PDE4D: variants seen among roughly 807,000 people sequenced by gnomAD.
PDE4D encodes the protein phosphodiesterase 4D, also known as 3',5'-cyclic-AMP phosphodiesterase 4D.
A neutral mutation model predicts 87.4 loss-of-function variants in PDE4D; 24 were observed. That is an observed-to-expected ratio of 0.27 (90% CI 0.20 to 0.39). PDE4D has a LOEUF of 0.39. Ranked by LOEUF, PDE4D falls within the 10% of genes least tolerant of loss-of-function variation. PDE4D has a pLI of 1.00. For missense variants in PDE4D, 714 were observed against 1,041.0 expected, an observed-to-expected ratio of 0.69 and a Z score of 4.32; for synonymous variants, 384 against 383.2, an observed-to-expected ratio of 1.00 and a Z score of -0.02.
chr5:59,174,221 AT>A (rs1783463761), intron 5 of PDE4D: 1 of 152,192 alleles, frequency 6.6e-6, no homozygotes, highest in Admixed American at 6.5e-5. Context: ...GACTAGCATT[AT>A]TTGGATAGTT....
At chr5:59,075,856 A>G (rs1765608859) in intron 5 of PDE4D, among the ~76,000 whole-genome samples, 1 of 152,000 alleles carries the variant, frequency 6.6e-6, no homozygotes, top group African/African-American at 2.4e-5. Flanking sequence ...ATTTTTTTTA[A>G]AGACCCATAC....
chr5:59,403,435 C>A (rs258113), intron 1 of PDE4D, among the ~76,000 whole-genome samples: 40,621 of 151,902 alleles, frequency 0.27, 5,524 homozygotes, highest in East Asian at 0.39. Flanking sequence ...ATTAAACATC[C>A]CCACTTCTTA....
At chr5:59,276,605 A>G (rs1309766199) in intron 1 of PDE4D, among the ~76,000 whole-genome samples, 6 of 152,090 alleles carry the variant, frequency 3.9e-5, no homozygotes, top group Admixed American at 1.3e-4. Flanking sequence ...ATCAGAACAT[A>G]CTGGAATTTT....
intron 1 of PDE4D, among the ~76,000 whole-genome samples, chr5:59,582,645 C>T (rs1204275704): frequency 6.6e-6 from 1 of 152,116 alleles, no homozygotes; most frequent in African/African-American, 2.4e-5. Context: ...GAATTGAATG[C>T]TTGGTCTATA....
At chr5:59,507,679 A>AAG (rs1554198806) in intron 1 of PDE4D, among the ~76,000 whole-genome samples, 33 of 118,714 alleles carry the variant, frequency 2.8e-4, no homozygotes, top group African/African-American at 1.1e-3. Context: ...AAAAAAAAAA[A>AAG]AAAAGAAAAG....
intron 1 of PDE4D, among the ~76,000 whole-genome samples, chr5:59,740,344 T>G (rs1758658327): frequency 6.6e-6 from 1 of 152,146 alleles, no homozygotes; most frequent in African/African-American, 2.4e-5. Context: ...CAGTCATCCT[T>G]TTTTTTCTTG....
intron 1 of PDE4D, among the ~76,000 whole-genome samples, chr5:60,196,284 T>C (rs11742541): frequency 0.064 from 9,727 of 151,620 alleles, 571 homozygotes; most frequent in Middle Eastern, 0.078. Context: ...CAGGATTCCA[T>C]TTCCTCCCAC....
intron 1 of PDE4D, among the ~76,000 whole-genome samples, chr5:59,886,867 A>G (rs1327565689): frequency 6.6e-6 from 1 of 152,208 alleles, no homozygotes; most frequent in Non-Finnish European, 1.5e-5. Flanking sequence ...TCTTGAAGGC[A>G]AAGAGAAATT....
intron 2 of PDE4D, among the ~76,000 whole-genome samples, chr5:60,180,738 A>T (rs1243921893): frequency 6.6e-6 from 1 of 152,114 alleles, no homozygotes; most frequent in Non-Finnish European, 1.5e-5. Flanking sequence ...GAAATCTCTA[A>T]AACTACAACT....
chr5:59,394,518 T>C (rs1469381872), intron 1 of PDE4D, among the ~76,000 whole-genome samples: 1 of 152,202 alleles, frequency 6.6e-6, no homozygotes, highest in Non-Finnish European at 1.5e-5. Flanking sequence ...TCAATTCCCT[T>C]AGTGATATAT....
chr5:59,374,869 A>T (rs1784463130), intron 1 of PDE4D, among the ~76,000 whole-genome samples: 1 of 152,244 alleles, frequency 6.6e-6, no homozygotes, highest in Non-Finnish European at 1.5e-5. Flanking sequence ...AGGCTAAGAA[A>T]TTCACTCAAA....
chr5:59,276,177 T>A, intron 1 of PDE4D: 1 of 971,780 alleles, frequency 1.0e-6, no homozygotes, highest in South Asian at 4.8e-5. Context: ...CCTCGTCAAT[T>A]GCTGAGACTT....
At chr5:59,379,411 T>A (rs1785335500) in intron 1 of PDE4D, among the ~76,000 whole-genome samples, 1 of 152,126 alleles carries the variant, frequency 6.6e-6, no homozygotes, top group African/African-American at 2.4e-5. Flanking sequence ...ATTCAGAAAA[T>A]TAAATTTTTT....
At chr5:59,455,011 C>A (rs1799703600) in intron 1 of PDE4D, among the ~76,000 whole-genome samples, 1 of 152,106 alleles carries the variant, frequency 6.6e-6, no homozygotes. Context: ...CCGTTAAAGG[C>A]ATTCAGTTTT....
At chr5:60,437,729 T>C (rs962197378) in intron 1 of PDE4D, among the ~76,000 whole-genome samples, 5 of 152,166 alleles carry the variant, frequency 3.3e-5, no homozygotes, top group African/African-American at 7.2e-5. Context: ...GAATCCATTA[T>C]GGAAATTCAG....
At chr5:59,033,867 T>C (rs1561354450) in intron 6 of PDE4D, among the ~76,000 whole-genome samples, 1 of 152,192 alleles carries the variant, frequency 6.6e-6, no homozygotes, top group Admixed American at 6.5e-5. Flanking sequence ...GATTAATTTA[T>C]TGAATAATTA....
intron 6 of PDE4D, among the ~76,000 whole-genome samples, chr5:59,032,785 C>T (rs966361859): frequency 3.3e-5 from 5 of 152,244 alleles, no homozygotes; most frequent in East Asian, 1.9e-4. Flanking sequence ...ATGCACCAAA[C>T]GGAGCTTTAC....
At chr5:59,626,374 T>C (rs1237589647) in intron 1 of PDE4D, among the ~76,000 whole-genome samples, 2 of 152,228 alleles carry the variant, frequency 1.3e-5, no homozygotes, top group Non-Finnish European at 2.9e-5. Flanking sequence ...AATTTCAATT[T>C]GTCAGTTATA....
intron 1 of PDE4D, among the ~76,000 whole-genome samples, chr5:59,531,415 T>C (rs976687825): frequency 6.6e-6 from 1 of 152,226 alleles, no homozygotes; most frequent in Non-Finnish European, 1.5e-5. Context: ...TTTTTACTTA[T>C]TTTTCTTGAA....
Sources: gnomAD v4.1 joint callset for allele counts (sites outside exome capture counted in the v4.1 genomes callset) on GRCh38, gnomAD v4.1.1 for gene constraint, MANE v1.5 for transcripts, NCBI Gene and HGNC (gene_info 2026-07-23, HGNC 2026-07-21) for gene names.